TMC1: variants seen among roughly 807,000 people sequenced by gnomAD.
TMC1 encodes transmembrane channel like 1.
TMC1 carries 84 observed loss-of-function variants against 105.8 expected under a neutral mutation model. The observed-to-expected ratio is 0.79, with a 90% CI of 0.67 to 0.95. TMC1 has a LOEUF of 0.95. Ranked by LOEUF, TMC1 falls within the 40% of genes least tolerant of loss-of-function variation. The pLI, the probability that TMC1 is intolerant of heterozygous loss-of-function variation, is 0.00. For synonymous variants in TMC1, 315 were observed against 311.5 expected, an observed-to-expected ratio of 1.01 and a Z score of -0.12; for missense variants, 817 against 914.1, an observed-to-expected ratio of 0.89 and a Z score of 1.37.
chr9:72,729,355 A>G (rs1827170339), intron 8 of TMC1, among the ~76,000 whole-genome samples: 1 of 152,108 alleles, frequency 6.6e-6, no homozygotes, highest in Admixed American at 6.5e-5. Context: ...CGTCAGACAT[A>G]AAAGTTAAGA....
chr9:72,541,417 A>G (rs1193931379), intron 1 of TMC1, among the ~76,000 whole-genome samples: 1 of 152,106 alleles, frequency 6.6e-6, no homozygotes, highest in African/African-American at 2.4e-5. Flanking sequence ...GCTGGGTGCG[A>G]TGGCTCATGC....
intron 3 of TMC1, among the ~76,000 whole-genome samples, chr9:72,622,775 G>A (rs1170468911): frequency 1.3e-5 from 2 of 152,114 alleles, no homozygotes; most frequent in Non-Finnish European, 2.9e-5. Flanking sequence ...TATTGGCTGG[G>A]TGTGGTGGTT....
At chr9:72,568,397 T>C (rs529000251) in intron 1 of TMC1, among the ~76,000 whole-genome samples, 1 of 152,340 alleles carries the variant, frequency 6.6e-6, no homozygotes, top group Non-Finnish European at 1.5e-5. Context: ...AATTCTATTC[T>C]AGTTATGAAT....
At chr9:72,788,694 T>A (rs1828212023) in intron 14 of TMC1, among the ~76,000 whole-genome samples, 2 of 152,164 alleles carry the variant, frequency 1.3e-5, no homozygotes, top group Admixed American at 1.3e-4. Flanking sequence ...ACACTTCTCT[T>A]CTCTAAATCT....
Position 72,771,520 on chromosome 9 carries a change from C to T in TMC1, c.742-893C>T, listed in dbSNP as rs542985277. Among the ~76,000 whole-genome samples, 3 of 152,270 alleles carry T rather than the reference C, an allele frequency of 2.0e-5. No homozygotes were observed. The South Asian group carries it at 6.2e-4, about 32-fold the overall frequency. ...GCAACCAATTGGGTTTTCTAAGATT[C>T]AGGGTTGACTCACCTGATCTCAAGA... is the stretch of plus-strand genomic sequence containing the variant. On this transcript the variant is annotated intron_variant, in intron 12 of 23. Transcript: ENST00000297784.
chr9:72,837,464 T>C lies in TMC1; in HGVS notation c.*1491T>C, dbSNP rs1024971831. The C allele has an allele frequency of 1.3e-5, 2 of 152,226 alleles. No homozygotes were observed. Among genetic ancestry groups the C allele is most frequent in the African/African-American group, 4.8e-5 (2 of 41,458 alleles). 9.4% of individuals were successfully genotyped at this position (152,226 alleles called of 1,614,324 possible). ...CCCTGCTTATGTTTTTATGTTTGCCTAACTACCTACTCTAACAATCATATC... is the reference window on the plus strand; with the variant it reads ...CCCTGCTTATGTTTTTATGTTTGCCCAACTACCTACTCTAACAATCATATC... On this transcript the variant is annotated 3_prime_UTR_variant, in exon 24 of 24. Coordinates refer to ENST00000297784, the MANE Select transcript of TMC1 (RefSeq NM_138691.3).
At chr9:72,714,200 A>G (rs1035605507) in intron 8 of TMC1, among the ~76,000 whole-genome samples, 1 of 152,126 alleles carries the variant, frequency 6.6e-6, no homozygotes, top group Admixed American at 6.5e-5. Context: ...GGTCAATTTT[A>G]GAATAAGTGC....
intron 1 of TMC1, among the ~76,000 whole-genome samples, chr9:72,562,641 C>T (rs1451446387): frequency 1.3e-5 from 2 of 152,092 alleles, no homozygotes; most frequent in African/African-American, 4.8e-5. Context: ...TCTCAGAGTT[C>T]CCTAGTTATC....
chr9:72,642,768 A>G (rs536919504), intron 4 of TMC1, among the ~76,000 whole-genome samples: 158 of 152,348 alleles, frequency 1.0e-3, no homozygotes, highest in African/African-American at 3.8e-3. Flanking sequence ...GATATAATTC[A>G]GATGTAATAA....
At chr9:72,648,916 T>C (rs1393494630) in intron 5 of TMC1, among the ~76,000 whole-genome samples, 1 of 152,188 alleles carries the variant, frequency 6.6e-6, no homozygotes, top group Non-Finnish European at 1.5e-5. Context: ...TGACCTCGCT[T>C]TCACTCAGAA....
intron 1 of TMC1, among the ~76,000 whole-genome samples, chr9:72,559,028 A>G (rs1823997643): frequency 6.6e-6 from 1 of 152,208 alleles, no homozygotes; most frequent in Admixed American, 6.5e-5. Context: ...GAAGTCATAC[A>G]ACTTCTCTGA....
chr9:72,583,257 C>T (rs1824501530), intron 2 of TMC1, among the ~76,000 whole-genome samples: 1 of 151,816 alleles, frequency 6.6e-6, no homozygotes, highest in Non-Finnish European at 1.5e-5. Flanking sequence ...AACCCCTTCC[C>T]CTCCACGAAA....
chr9:72,785,298 T>G (rs1828151897), intron 13 of TMC1, among the ~76,000 whole-genome samples: 1 of 152,164 alleles, frequency 6.6e-6, no homozygotes, highest in African/African-American at 2.4e-5. Context: ...CTTTTCCACT[T>G]TAACTAAATT....
intron 8 of TMC1, among the ~76,000 whole-genome samples, chr9:72,712,824 G>A (rs1313112529): frequency 6.6e-6 from 1 of 152,160 alleles, no homozygotes; most frequent in Non-Finnish European, 1.5e-5. Context: ...AGTGGTGAGA[G>A]AAGACATCCT....
intron 5 of TMC1, among the ~76,000 whole-genome samples, chr9:72,658,738 C>G (rs1365907637): frequency 2.6e-5 from 4 of 152,190 alleles, no homozygotes; most frequent in African/African-American, 9.7e-5. Context: ...ATTATTCTCC[C>G]AAGAAGAGTG....
At chr9:72,568,900 AATTGAAT>A (rs1475608666) in intron 1 of TMC1, among the ~76,000 whole-genome samples, 3 of 152,214 alleles carry the variant, frequency 2.0e-5, no homozygotes, top group Non-Finnish European at 2.9e-5. Context: ...ATAAAAGCTA[AATTGAAT>A]AGTAAGACAC....
chr9:72,765,821 T>C (rs1827822969), intron 12 of TMC1, among the ~76,000 whole-genome samples: 1 of 152,064 alleles, frequency 6.6e-6, no homozygotes, highest in African/African-American at 2.4e-5. Flanking sequence ...TGGAGTGAGA[T>C]GTGTAATGGC....
At chr9:72,575,990 G>A (rs1403157257) in intron 1 of TMC1, among the ~76,000 whole-genome samples, 3 of 152,048 alleles carry the variant, frequency 2.0e-5, no homozygotes, top group Non-Finnish European at 2.9e-5. Context: ...GAAATAACTC[G>A]TTGGGGAAGG....
At chr9:72,833,554 T>C (rs561136470) in intron 23 of TMC1, among the ~76,000 whole-genome samples, 49 of 152,158 alleles carry the variant, frequency 3.2e-4, no homozygotes, top group Non-Finnish European at 4.7e-4. Flanking sequence ...GTGTTTTCCA[T>C]TTTCCCCAAC....
Sources: allele counts gnomAD v4.1 joint callset (sites outside exome capture counted in the v4.1 genomes callset), GRCh38; gene constraint gnomAD v4.1.1; transcripts MANE v1.5; gene names NCBI Gene and HGNC (gene_info 2026-07-23, HGNC 2026-07-21).